Variants in CCSER1 observed in about 807,000 individuals in gnomAD.
CCSER1 encodes the protein coiled-coil serine rich protein 1, also known as serine-rich coiled-coil domain-containing protein 1.
Under a neutral mutation model 82.0 loss-of-function variants are expected in CCSER1, and 41 were observed. The observed-to-expected ratio is 0.50, with a 90% CI of 0.39 to 0.65. CCSER1 has a LOEUF of 0.65. CCSER1 is among the 30% of genes least tolerant of loss of function. The probability of loss-of-function intolerance (pLI) is 0.00; values close to 1 mark genes in which losing one functional copy is unlikely to be tolerated. For synonymous variants in CCSER1, 414 were observed against 383.9 expected (o/e 1.08, Z -0.92); for missense variants, 1,119 against 1,064.2 (o/e 1.05, Z -0.72).
intron 10 of CCSER1, among the ~76,000 whole-genome samples, chr4:91,382,443 G>A (rs114862160): frequency 0.018 from 2,815 of 152,286 alleles, 64 homozygotes; most frequent in African/African-American, 0.063. Flanking sequence ...CTGTCTTGCA[G>A]TTCGATCTCA....
intron 4 of CCSER1, among the ~76,000 whole-genome samples, chr4:90,400,977 T>A (rs1752783766): frequency 6.6e-6 from 1 of 152,188 alleles, no homozygotes; most frequent in African/African-American, 2.4e-5. Context: ...GTCTTTATTT[T>A]TAATTCGTGG....
intron 6 of CCSER1, among the ~76,000 whole-genome samples, chr4:90,687,277 T>C (rs1157512168): frequency 6.6e-6 from 1 of 152,154 alleles, no homozygotes; most frequent in Non-Finnish European, 1.5e-5. Flanking sequence ...ATTTAATAGA[T>C]AGAACAAATA....
At chr4:90,224,117 A>G (rs1289106475) in intron 1 of CCSER1, among the ~76,000 whole-genome samples, 3 of 152,250 alleles carry the variant, frequency 2.0e-5, no homozygotes, top group Non-Finnish European at 2.9e-5. Context: ...TAGCAGCAGT[A>G]TCATACAAAT....
At chr4:91,540,111 T>C (rs1035608469) in intron 10 of CCSER1, among the ~76,000 whole-genome samples, 40 of 152,066 alleles carry the variant, frequency 2.6e-4, no homozygotes, top group African/African-American at 8.7e-4. Context: ...TCATAGAAAA[T>C]TGAATGAAAA....
At chr4:90,768,201 TC>T (rs1751536797) in intron 7 of CCSER1, among the ~76,000 whole-genome samples, 1 of 152,190 alleles carries the variant, frequency 6.6e-6, no homozygotes, top group Non-Finnish European at 1.5e-5. Context: ...TGTCATAAGG[TC>T]ACCCTGTGGA....
chr4:90,208,595 C>T (rs1308323863), intron 1 of CCSER1, among the ~76,000 whole-genome samples: 1 of 152,014 alleles, frequency 6.6e-6, no homozygotes, highest in Non-Finnish European at 1.5e-5. Context: ...CCCAAACGGC[C>T]ACCCAGTTTT....
At chr4:91,302,232 T>C (rs1298440115) in intron 10 of CCSER1, among the ~76,000 whole-genome samples, 1 of 151,998 alleles carries the variant, frequency 6.6e-6, no homozygotes, top group Non-Finnish European at 1.5e-5. Flanking sequence ...CTTCTGACCT[T>C]TGAATATATT....
At chr4:91,483,028 G>C (rs1758028759) in intron 10 of CCSER1, among the ~76,000 whole-genome samples, 1 of 151,698 alleles carries the variant, frequency 6.6e-6, no homozygotes, top group South Asian at 2.1e-4. Flanking sequence ...CACCAACATG[G>C]CACATGTATA....
At chr4:90,951,872 C>A (rs1425285963) in intron 9 of CCSER1, among the ~76,000 whole-genome samples, 1 of 151,978 alleles carries the variant, frequency 6.6e-6, no homozygotes, top group Non-Finnish European at 1.5e-5. Flanking sequence ...CACACATGAA[C>A]ACTCATATTT....
intron 1 of CCSER1, among the ~76,000 whole-genome samples, chr4:90,151,444 GTCTT>G (rs1726824510): frequency 6.6e-6 from 1 of 151,958 alleles, no homozygotes; most frequent in East Asian, 1.9e-4. Flanking sequence ...CCATTTGGGT[GTCTT>G]TCTTTGTAAT....
At chr4:91,441,999 A>G (rs1227921565) in intron 10 of CCSER1, among the ~76,000 whole-genome samples, 2 of 152,244 alleles carry the variant, frequency 1.3e-5, no homozygotes, top group East Asian at 3.8e-4. Context: ...AGAACATTCC[A>G]TGCTCATGGA....
At chr4:90,834,767 A>G (rs1403569553) in intron 8 of CCSER1, among the ~76,000 whole-genome samples, 1 of 152,196 alleles carries the variant, frequency 6.6e-6, no homozygotes, top group Non-Finnish European at 1.5e-5. Flanking sequence ...AAAGGGCGAC[A>G]ATAAAATGGG....
intron 10 of CCSER1, among the ~76,000 whole-genome samples, chr4:91,354,712 C>T (rs1054689068): frequency 2.6e-5 from 4 of 152,186 alleles, no homozygotes; most frequent in African/African-American, 9.7e-5. Context: ...GGGAATTCAT[C>T]AGGAACTGGA....
chr4:91,224,777 A>G (rs1224434001), intron 10 of CCSER1, among the ~76,000 whole-genome samples: 7 of 152,006 alleles, frequency 4.6e-5, no homozygotes, highest in Non-Finnish European at 1.0e-4. Flanking sequence ...TTTCCTTTCC[A>G]AATTCCTATC....
At chr4:90,730,758 A>T (rs974554703) in intron 7 of CCSER1, among the ~76,000 whole-genome samples, 1 of 152,170 alleles carries the variant, frequency 6.6e-6, no homozygotes, top group Admixed American at 6.5e-5. Context: ...TCATGTTTTT[A>T]TGGGAAGAAA....
At chr4:91,030,512 G>A (rs559571155) in intron 9 of CCSER1, among the ~76,000 whole-genome samples, 1 of 152,086 alleles carries the variant, frequency 6.6e-6, no homozygotes. Context: ...CGGCCTGGAG[G>A]ATGAGAGAGC....
rs116383797 is a variant in CCSER1, at chr4:91,145,344, G to C, written c.2217+59350G>C. ...TCTGTCCCTTTACTTTGAGCCTATT[G>C]GTGTCATAACATGTGAGATGTTCTC... On this transcript the variant is annotated intron_variant, in intron 10 of 10. Coordinates refer to ENST00000509176, the MANE Select transcript of CCSER1 (RefSeq NM_001145065.2). 2.1e-3 allele frequency among the ~76,000 whole-genome samples: 315 copies of C among 152,090 alleles called. 2 individuals are homozygous for C. Among genetic ancestry groups the C allele is most frequent in the Non-Finnish European group, 3.6e-3 (246 of 67,954 alleles).
intron 4 of CCSER1, among the ~76,000 whole-genome samples, chr4:90,421,575 TGA>T (rs1250275897): frequency 2.0e-5 from 3 of 152,232 alleles, no homozygotes; most frequent in African/African-American, 7.2e-5. Flanking sequence ...TAGGATTTAC[TGA>T]GAGTATGAAT....
chr4:90,558,389 C>T (rs530518884), intron 5 of CCSER1, among the ~76,000 whole-genome samples: 1 of 152,164 alleles, frequency 6.6e-6, no homozygotes, highest in Admixed American at 6.5e-5. Flanking sequence ...AATGTTTTCT[C>T]TTTTAAATAT....
Sources: allele counts gnomAD v4.1 joint callset (sites outside exome capture counted in the v4.1 genomes callset), GRCh38; gene constraint gnomAD v4.1.1; transcripts MANE v1.5; gene names NCBI Gene and HGNC (gene_info 2026-07-23, HGNC 2026-07-21).